The following EPB41L4B variants were observed in gnomAD, a reference collection of about 807,000 sequenced individuals.
EPB41L4B encodes the protein erythrocyte membrane protein band 4.1 like 4B.
In EPB41L4B, 30 loss-of-function variants were observed where a neutral mutation model predicts 112.5. The ratio of observed to expected loss-of-function variants is 0.27; its 90% CI spans 0.20 to 0.36. The LOEUF (loss-of-function observed/expected upper bound fraction) is 0.36, where lower values mean the gene tolerates loss of function less well. EPB41L4B is among the 10% of genes least tolerant of loss of function. The pLI is 1.00. For missense variants in EPB41L4B, 1,024 were observed against 1,133.3 expected (o/e 0.90, Z 1.38); for synonymous variants, 408 against 439.7 (o/e 0.93, Z 0.90).
intron 19 of EPB41L4B, among the ~76,000 whole-genome samples, chr9:109,201,366 C>A (rs562953160): frequency 6.6e-6 from 1 of 150,554 alleles, no homozygotes; most frequent in Admixed American, 6.7e-5. Context: ...GGGAGGATCA[C>A]CTGAGCCCAG....
intron 1 of EPB41L4B, among the ~76,000 whole-genome samples, chr9:109,308,251 C>T (rs755740685): frequency 6.6e-6 from 1 of 152,160 alleles, no homozygotes; most frequent in East Asian, 1.9e-4. Context: ...GGAAGACATT[C>T]AACAGCTGAT....
intron 5 of EPB41L4B, among the ~76,000 whole-genome samples, chr9:109,263,719 T>C (rs1835299171): frequency 6.6e-6 from 1 of 152,248 alleles, no homozygotes; most frequent in Non-Finnish European, 1.5e-5. Context: ...TTTTCATTTA[T>C]ATTATCCAAT....
intron 15 of EPB41L4B, chr9:109,240,472 C>T (rs1424550252): frequency 2.0e-6 from 2 of 985,164 alleles, no homozygotes; most frequent in Admixed American, 6.2e-5. Context: ...GGCAAAATTA[C>T]AATTACATAT....
In EPB41L4B at chr9:109,192,360, G is replaced by A. The variant is rs748799141; in HGVS notation, c.2224-5C>T. The A allele has an allele frequency of 6.9e-6, 11 of 1,598,994 alleles. No homozygotes were observed. In the South Asian group the frequency reaches 9.0e-5, roughly 13 times the overall value. On this transcript the variant is annotated splice_polypyrimidine_tract_variant and splice_region_variant and intron_variant, in intron 21 of 25. Coordinates refer to ENST00000374566, the MANE Select transcript of EPB41L4B (RefSeq NM_019114.5). Reference sequence around the variant, plus strand: ...ACCTCCTCGGTCAGAGGGGCTCTAGGGAGACAGACAAACACCCCTGGTTAG... The same window carrying A: ...ACCTCCTCGGTCAGAGGGGCTCTAGAGAGACAGACAAACACCCCTGGTTAG...
intron 1 of EPB41L4B, among the ~76,000 whole-genome samples, chr9:109,297,976 A>G (rs544944576): frequency 2.6e-5 from 4 of 152,274 alleles, no homozygotes; most frequent in African/African-American, 9.6e-5. Context: ...ATCACTATCC[A>G]TTCATCTGAT....
intron 15 of EPB41L4B, among the ~76,000 whole-genome samples, chr9:109,217,363 TAAA>T (rs1264601612): frequency 6.6e-6 from 1 of 152,204 alleles, no homozygotes; most frequent in Non-Finnish European, 1.5e-5. Flanking sequence ...TCTTGTAACT[TAAA>T]GAAGTATTTG....
intron 19 of EPB41L4B, among the ~76,000 whole-genome samples, chr9:109,202,346 C>T (rs929530178): frequency 6.6e-6 from 1 of 152,126 alleles, no homozygotes; most frequent in Non-Finnish European, 1.5e-5. Flanking sequence ...TTTTTGGCAT[C>T]GAGTATAATA....
At position 109,268,416 on chromosome 9, in the gene EPB41L4B, G is replaced by A; in HGVS notation, c.429C>T (p.Ala143=). The change falls in exon 3 of 26, where the codon GCC becomes GCT. Residue 143 remains alanine, a synonymous_variant. Coordinates refer to ENST00000374566, the MANE Select transcript of EPB41L4B (RefSeq NM_019114.5). Reference sequence around the variant, plus strand: ...TTTTCATCTGCTTTTTTATGGGTTTGGCATGATCCAGCCAGTGCTGAAAGA... The same window carrying A: ...TTTTCATCTGCTTTTTTATGGGTTTAGCATGATCCAGCCAGTGCTGAAAGA... ...SAQVAHWLDH[A]KPIKKQMKIG... The A allele has an allele frequency of 6.2e-7, 1 of 1,610,126 alleles. No individual in the cohort carries two copies. Among genetic ancestry groups the A allele is most frequent in the Non-Finnish European group, 8.5e-7 (1 of 1,179,152 alleles).
At chr9:109,232,137 G>A (rs1018016568) in intron 15 of EPB41L4B, among the ~76,000 whole-genome samples, 4 of 151,946 alleles carry the variant, frequency 2.6e-5, no homozygotes, top group Non-Finnish European at 5.9e-5. Flanking sequence ...GATTACAGAT[G>A]TGTGCCACCA....
chr9:109,239,497 G>A (rs957767393), intron 15 of EPB41L4B, among the ~76,000 whole-genome samples: 1 of 152,158 alleles, frequency 6.6e-6, no homozygotes, highest in Non-Finnish European at 1.5e-5. Flanking sequence ...GAGAAGACTT[G>A]GGTAGACTGT....
At chr9:109,285,336 T>G (rs1004392580) in intron 1 of EPB41L4B, among the ~76,000 whole-genome samples, 1 of 151,970 alleles carries the variant, frequency 6.6e-6, no homozygotes, top group African/African-American at 2.4e-5. Context: ...GAGGTGGAGG[T>G]TGGGAAAGGG....
chr9:109,247,023 T>C (rs1834582967), intron 14 of EPB41L4B, among the ~76,000 whole-genome samples: 1 of 152,084 alleles, frequency 6.6e-6, no homozygotes, highest in Non-Finnish European at 1.5e-5. Context: ...ATAGATGAGT[T>C]CCCACTGTGT....
At chr9:109,264,273 A>G (rs902768973) in intron 5 of EPB41L4B, among the ~76,000 whole-genome samples, 1 of 152,230 alleles carries the variant, frequency 6.6e-6, no homozygotes, top group Non-Finnish European at 1.5e-5. Context: ...ATTATATTCA[A>G]AATCAGAACG....
intron 22 of EPB41L4B, among the ~76,000 whole-genome samples, chr9:109,190,734 T>C (rs1396120592): frequency 6.6e-6 from 1 of 152,236 alleles, no homozygotes; most frequent in Non-Finnish European, 1.5e-5. Context: ...ACACTTGCTA[T>C]GTGACTTGGG....
At chr9:109,217,186 G>T in intron 15 of EPB41L4B, 41 bp from the exon 16 acceptor site, 1 of 1,580,508 alleles carries the variant, frequency 6.3e-7, no homozygotes, top group Non-Finnish European at 8.7e-7. Context: ...AAAGCAGAAT[G>T]CCTTGCAAGC....
intron 18 of EPB41L4B, among the ~76,000 whole-genome samples, chr9:109,207,595 A>C (rs1446663520): frequency 6.6e-6 from 1 of 151,832 alleles, no homozygotes; most frequent in African/African-American, 2.4e-5. Flanking sequence ...AAAGAGAGAG[A>C]GAAAGGAGAG....
At chr9:109,218,003 C>T (rs575654669) in intron 15 of EPB41L4B, among the ~76,000 whole-genome samples, 3 of 152,158 alleles carry the variant, frequency 2.0e-5, no homozygotes, top group South Asian at 2.1e-4. Context: ...TGGCTCTCCC[C>T]GTCTCTGCTC....
chr9:109,211,843 G>T (rs1190664137), intron 17 of EPB41L4B, among the ~76,000 whole-genome samples: 2 of 149,842 alleles, frequency 1.3e-5, no homozygotes, highest in Non-Finnish European at 3.0e-5. Context: ...AGCCTCCCTA[G>T]TAGCTGGGAT....
intron 1 of EPB41L4B, among the ~76,000 whole-genome samples, chr9:109,307,491 C>A (rs779868230): frequency 1.1e-4 from 16 of 152,172 alleles, no homozygotes; most frequent in Non-Finnish European, 2.2e-4. Flanking sequence ...CAGTTCCAAG[C>A]CAGCTTGGGC....
Sources: allele counts gnomAD v4.1 joint callset (sites outside exome capture counted in the v4.1 genomes callset), GRCh38; gene constraint gnomAD v4.1.1; transcripts MANE v1.5; gene names NCBI Gene and HGNC (gene_info 2026-07-23, HGNC 2026-07-21).